Variants in CTDP1 observed in about 807,000 individuals in gnomAD.
CTDP1 encodes the protein CTD phosphatase 1, also known as RNA polymerase II subunit A C-terminal domain phosphatase.
In CTDP1, 47 loss-of-function variants were observed where a neutral mutation model predicts 91.8. That is an observed-to-expected ratio of 0.51 (90% confidence interval 0.41 to 0.65). The LOEUF is 0.65. Ranked by LOEUF, CTDP1 falls within the 30% of genes least tolerant of loss-of-function variation. CTDP1 has a pLI of 0.00. For missense variants in CTDP1, 1,272 were observed against 1,373.7 expected (o/e 0.93, Z 1.17); for synonymous variants, 656 against 598.5 (o/e 1.10, Z -1.40).
intron 10 of CTDP1, 37 bp downstream of exon 10, chr18:79,718,053 G>T: frequency 1.9e-6 from 3 of 1,608,514 alleles, no homozygotes; most frequent in Non-Finnish European, 2.5e-6. Flanking sequence ...CAGCTAATGA[G>T]GGCTCTTCAA....
intron 6 of CTDP1, among the ~76,000 whole-genome samples, chr18:79,710,654 A>G (rs552942321): frequency 3.4e-5 from 5 of 145,688 alleles, no homozygotes; most frequent in African/African-American, 1.3e-4. Context: ...CTGAGTAGCT[A>G]GGACTACAGG....
chr18:79,713,671 T>C lies in CTDP1; in HGVS notation c.1030+533T>C, dbSNP rs2086127927. Among the ~76,000 whole-genome samples, 1 of 152,248 alleles carries C rather than the reference T, an allele frequency of 6.6e-6. No homozygotes were observed. On this transcript the variant is annotated intron_variant, in intron 7 of 12. Coordinates refer to ENST00000613122, the MANE Select transcript of CTDP1 (RefSeq NM_004715.5). The surrounding 1 kb of genome is among the most constrained non-coding windows in gnomAD (Gnocchi z 4.7). The stretch of plus-strand genomic sequence containing the variant: ...TGAAAAATATTTTGAGGCACACGTT[T>C]ATTGCTGTAGTCACTAAAATGGAAC...
chr18:79,752,057 AGGAG>A (rs949174283), intron 12 of CTDP1, among the ~76,000 whole-genome samples: 1 of 152,190 alleles, frequency 6.6e-6, no homozygotes, highest in Non-Finnish European at 1.5e-5. Flanking sequence ...GCACGGCACC[AGGAG>A]GGAGGGTGTC....
chr18:79,728,164 A>G (rs914022350), intron 10 of CTDP1, among the ~76,000 whole-genome samples: 1 of 152,136 alleles, frequency 6.6e-6, no homozygotes, highest in Admixed American at 6.5e-5. Context: ...CAGTGGCGCA[A>G]TCTCGGCTCA....
rs1367216456 is a variant in CTDP1 at position 79,726,615 on chromosome 18, G to A, written c.2418-2292G>A. ...TCCCATCACTGATTTTTTTTTTTTG[G>A]GCCATGCTCCAGCAGCAGGAGTGGA... On this transcript the variant is annotated intron_variant, in intron 10 of 12. Transcript: ENST00000613122. Among the ~76,000 whole-genome samples, 3 of 150,058 alleles carry A rather than the reference G, an allele frequency of 2.0e-5. No individual in the cohort carries two copies. The East Asian group carries it at 5.9e-4, about 29-fold the overall frequency.
intron 10 of CTDP1, among the ~76,000 whole-genome samples, chr18:79,726,561 A>G (rs2086446526): frequency 6.6e-6 from 1 of 151,254 alleles, no homozygotes; most frequent in Non-Finnish European, 1.5e-5. Context: ...ACATCATGTT[A>G]GGAGACTCTG....
chr18:79,676,905 TAA>T (rs1411415723), upstream of CTDP1, among the ~76,000 whole-genome samples: 3 of 152,324 alleles, frequency 2.0e-5, no homozygotes, highest in Non-Finnish European at 4.4e-5. Flanking sequence ...AAGACATGGT[TAA>T]GTTTCATTGG....
rs578051 is a variant in CTDP1, at chr18:79,753,495, C to T, written c.2748-157C>T. Reference sequence around the variant, plus strand: ...GGCTCTGCTGTCCACACGTGTGTGACGTGGCCCTGGGTCGGTGGCCTGTGT... The same window carrying T: ...GGCTCTGCTGTCCACACGTGTGTGATGTGGCCCTGGGTCGGTGGCCTGTGT... On this transcript the variant is annotated intron_variant, in intron 12 of 12. Transcript: ENST00000613122. 0.17 allele frequency among the ~76,000 whole-genome samples: 25,349 copies of T among 152,234 alleles called. 2,703 individuals are homozygous for T. Among genetic ancestry groups the T allele is most frequent in the East Asian group, 0.36 (1,843 of 5,172 alleles).
chr18:79,727,400 T>C (rs1008296241), intron 10 of CTDP1, among the ~76,000 whole-genome samples: 1 of 151,706 alleles, frequency 6.6e-6, no homozygotes, highest in Non-Finnish European at 1.5e-5. Flanking sequence ...TTCACGGTGT[T>C]CACGGGATGG....
intron 11 of CTDP1, among the ~76,000 whole-genome samples, chr18:79,731,573 C>T (rs2086567263): frequency 6.6e-6 from 1 of 152,196 alleles, no homozygotes; most frequent in South Asian, 2.1e-4. Flanking sequence ...AGACCACTCA[C>T]TTGATGTCAC....
chr18:79,684,056 A>G (rs1394021756), intron 1 of CTDP1, among the ~76,000 whole-genome samples: 5 of 152,262 alleles, frequency 3.3e-5, no homozygotes. Flanking sequence ...TGCAGAGAGC[A>G]GACAGCGGCA....
chr18:79,737,000 C>T (rs2086683619), intron 12 of CTDP1, among the ~76,000 whole-genome samples: 2 of 152,318 alleles, frequency 1.3e-5, no homozygotes, highest in African/African-American at 4.8e-5. Context: ...TGGTCAGGAG[C>T]CAGCGTCCTG....
At chr18:79,685,185 A>AT (rs1320300584) in intron 1 of CTDP1, 1 of 152,228 alleles carries the variant, frequency 6.6e-6, no homozygotes, top group Non-Finnish European at 1.5e-5. Flanking sequence ...AGCCCTGGAG[A>AT]TTCCTAGTGT....
chr18:79,712,241 C>T (rs2086100053), intron 6 of CTDP1, among the ~76,000 whole-genome samples: 1 of 152,080 alleles, frequency 6.6e-6, no homozygotes, highest in African/African-American at 2.4e-5. Context: ...ATGGAGGTAG[C>T]TGGAGGTCCG....
At chr18:79,736,631 G>T in intron 12 of CTDP1, 110 bp downstream of exon 12, 1 of 1,145,176 alleles carries the variant, frequency 8.7e-7, no homozygotes, top group Non-Finnish European at 1.2e-6. Flanking sequence ...CCACCATTCT[G>T]TGTGTGACAC....
chr18:79,741,308 T>C (rs1377598968), intron 12 of CTDP1, among the ~76,000 whole-genome samples: 1 of 152,240 alleles, frequency 6.6e-6, no homozygotes, highest in African/African-American at 2.4e-5. Context: ...TTTTATGCTT[T>C]TGGTGGCCGG....
intron 10 of CTDP1, among the ~76,000 whole-genome samples, chr18:79,722,707 A>G (rs183385199): frequency 0.028 from 4,315 of 152,224 alleles, 208 homozygotes; most frequent in African/African-American, 0.098. Flanking sequence ...CTGCTTTTTG[A>G]TAGTTTTCAA....
chr18:79,716,974 GGTGAGGGCCCTGGTGGGGTGCAGCCGA>G (rs759689046), intron 8 of CTDP1, among the ~76,000 whole-genome samples: 42 of 151,740 alleles, frequency 2.8e-4, no homozygotes, highest in African/African-American at 6.8e-4. Flanking sequence ...GGTGCAGCCG[GGTGAGGGCCCTGGTGGGGTGCAGCCGA>G]GTGAGGGCCC....
Position 79,688,340 on chromosome 18 carries a change from C to T in CTDP1, c.315-6885C>T, listed in dbSNP as rs796204391. Among the ~76,000 whole-genome samples, 10 of 152,386 alleles carry T rather than the reference C, an allele frequency of 6.6e-5. No homozygotes were observed. In the South Asian group the frequency reaches 1.2e-3, roughly 19 times the overall value. Reference sequence around the variant, plus strand: ...AGTGCAGCGGTGCAATCTCAGTTCACTGCAACCTCCACCTCCTGGGTTCAA... The same window carrying T: ...AGTGCAGCGGTGCAATCTCAGTTCATTGCAACCTCCACCTCCTGGGTTCAA... On this transcript the variant is annotated intron_variant, in intron 1 of 12. Transcript: ENST00000613122.
Sources: allele counts gnomAD v4.1 joint callset (sites outside exome capture counted in the v4.1 genomes callset), GRCh38; gene constraint gnomAD v4.1.1; non-coding constraint Gnocchi (gnomAD v3.1); transcripts MANE v1.5; gene names NCBI Gene and HGNC (gene_info 2026-07-23, HGNC 2026-07-21).